ATR: variants seen among roughly 807,000 people sequenced by gnomAD.
The protein encoded by ATR is ATR checkpoint kinase, also known as serine/threonine-protein kinase ATR.
A neutral mutation model predicts 305.3 loss-of-function variants in ATR; 142 were observed. The ratio of observed to expected loss-of-function variants is 0.47; its 90% CI spans 0.41 to 0.53. The LOEUF (loss-of-function observed/expected upper bound fraction) is 0.53, where lower values mean the gene tolerates loss of function less well. Ranked by LOEUF, ATR falls within the 20% of genes least tolerant of loss-of-function variation. ATR has a pLI of 0.00. For synonymous variants in ATR, 1,050 were observed against 1,068.1 expected, an observed-to-expected ratio of 0.98 and a Z score of 0.33; for missense variants, 2,135 against 3,133.1, an observed-to-expected ratio of 0.68 and a Z score of 7.60.
At chr3:142,474,251 A>T (rs1400528095) in intron 36 of ATR, among the ~76,000 whole-genome samples, 1 of 150,490 alleles carries the variant, frequency 6.6e-6, no homozygotes, top group Admixed American at 6.7e-5. Context: ...AAACAAAACA[A>T]AAAAAAAAGG....
At chr3:142,455,765 A>G (rs1257181419) in intron 45 of ATR, among the ~76,000 whole-genome samples, 1 of 152,254 alleles carries the variant, frequency 6.6e-6, no homozygotes, top group African/African-American at 2.4e-5. Flanking sequence ...TAAATAGCAG[A>G]GCTAAAAGTC....
intron 36 of ATR, chr3:142,472,111 G>GTGTT (rs2071292535): frequency 6.6e-6 from 1 of 151,898 alleles, no homozygotes; most frequent in South Asian, 2.1e-4. Flanking sequence ...GTGTGTGTGT[G>GTGTT]TGTGTGTGTG....
chr3:142,522,680 AT>A, intron 23 of ATR, 47 bp downstream of exon 23: 1 of 1,437,270 alleles, frequency 7.0e-7, no homozygotes, highest in Non-Finnish European at 9.8e-7. Context: ...CAACGTTCTT[AT>A]TTGAATTAAA....
intron 1 of ATR, among the ~76,000 whole-genome samples, chr3:142,568,570 C>G (rs1440623148): frequency 1.3e-5 from 2 of 152,084 alleles, no homozygotes; most frequent in African/African-American, 4.8e-5. Context: ...AGGTGCAAGA[C>G]AGGTGGAAGC....
intron 1 of ATR, among the ~76,000 whole-genome samples, chr3:142,571,504 TAAA>T (rs2035259242): frequency 8.6e-6 from 1 of 115,874 alleles, no homozygotes; most frequent in Admixed American, 8.9e-5. Context: ...AATAAATAAA[TAAA>T]TAATCAAAAG....
chr3:142,526,342 T>C (rs2033386922), intron 21 of ATR, among the ~76,000 whole-genome samples: 1 of 152,162 alleles, frequency 6.6e-6, no homozygotes, highest in Non-Finnish European at 1.5e-5. Flanking sequence ...GATTATCATA[T>C]CATCTGTAAA....
intron 35 of ATR, among the ~76,000 whole-genome samples, chr3:142,487,044 C>T (rs6785675): frequency 0.63 from 95,412 of 150,844 alleles, 31,188 homozygotes; most frequent in African/African-American, 0.8. Context: ...AGGCAGGAGA[C>T]TGGCCTGAAC....
At chr3:142,551,411 G>A (rs898194819) in intron 13 of ATR, among the ~76,000 whole-genome samples, 1 of 152,072 alleles carries the variant, frequency 6.6e-6, no homozygotes, top group African/African-American at 2.4e-5. Flanking sequence ...ATGCTGCCTG[G>A]ACAACAGAGT....
At chr3:142,470,014 TC>T in intron 37 of ATR, 71 bp downstream of exon 37, 1 of 1,225,162 alleles carries the variant, frequency 8.2e-7, no homozygotes. Flanking sequence ...AATTAGACTG[TC>T]CAGCCAAATC....
intron 7 of ATR, 183 bp from the exon 8 acceptor site, chr3:142,558,959 T>C (rs1434883244): frequency 1.8e-5 from 12 of 664,926 alleles, no homozygotes; most frequent in East Asian, 2.9e-5. Context: ...TGTGACTTTA[T>C]AAAAACATGT....
chr3:142,533,041 G>A (rs1212019155), intron 21 of ATR, among the ~76,000 whole-genome samples: 1 of 152,070 alleles, frequency 6.6e-6, no homozygotes, highest in Non-Finnish European at 1.5e-5. Context: ...GCTCACACCT[G>A]TAATACCAGT....
chr3:142,560,586 A>T, intron 5 of ATR, 132 bp from the exon 6 acceptor site: 1 of 696,732 alleles, frequency 1.4e-6, no homozygotes, highest in East Asian at 3.0e-5. Context: ...TGTGAGACAG[A>T]GTCTCACTCT....
At position 142,459,357 on chromosome 3, in the gene ATR, G is replaced by T. The variant is rs746049210; in HGVS notation, c.7219C>A (p.Arg2407Ser). ...GCTGACTTTGGTAGCATACACTGGCGAAGTTCTTTTCCTGTCATATACACT... is the reference window on the plus strand; with the variant it reads ...GCTGACTTTGGTAGCATACACTGGCTAAGTTCTTTTCCTGTCATATACACT... ...KGVYMTGKEL[R>S]QCMLPKSAAL... Residue 2407 changes from arginine to serine, a missense_variant, in exon 43 of 47, where the codon CGC becomes AGC. Physicochemically the swap from Arg to Ser is moderately radical, Grantham distance 110. Coordinates refer to ENST00000350721, the MANE Select transcript of ATR (RefSeq NM_001184.4). The T allele has an allele frequency of 6.2e-7, 1 of 1,613,866 alleles. No individual in the cohort carries two copies.
intron 21 of ATR, among the ~76,000 whole-genome samples, chr3:142,524,511 G>T (rs1019712741): frequency 1.3e-5 from 2 of 152,118 alleles, no homozygotes; most frequent in Non-Finnish European, 1.5e-5. Flanking sequence ...CACAGTCTAA[G>T]AGGAAAACAG....
At chr3:142,508,491 T>C (rs986451455) in intron 27 of ATR, among the ~76,000 whole-genome samples, 2 of 152,204 alleles carry the variant, frequency 1.3e-5, no homozygotes, top group African/African-American at 2.4e-5. Flanking sequence ...TTGATGACTA[T>C]AAAAAATGAT....
At chr3:142,559,172 C>T in intron 7 of ATR, 79 bp downstream of exon 7, 1 of 1,477,456 alleles carries the variant, frequency 6.8e-7, no homozygotes, top group East Asian at 2.3e-5. Flanking sequence ...CGCACTTAGG[C>T]TTCAGGCAAA....
intron 28 of ATR, 139 bp from the exon 29 acceptor site, chr3:142,505,442 T>C (rs2032187942): frequency 2.0e-6 from 2 of 977,344 alleles, no homozygotes; most frequent in South Asian, 1.5e-5. Flanking sequence ...ATTTGTTTCA[T>C]GGCAAAGTCA....
chr3:142,576,560 C>G (rs1291814480), intron 1 of ATR, among the ~76,000 whole-genome samples: 2 of 152,122 alleles, frequency 1.3e-5, no homozygotes, highest in Non-Finnish European at 2.9e-5. Context: ...TGAGATATCT[C>G]TACTTCAATG....
In ATR at chr3:142,493,481, C is replaced by T. The variant is rs565365866; in HGVS notation, c.5899-170G>A. 3.3e-5 allele frequency among the ~76,000 whole-genome samples: 5 copies of T among 152,316 alleles called. No individual in the cohort carries two copies. The South Asian group carries it at 8.3e-4, about 25-fold the overall frequency. ...CTAAAACTGAAACATTGCTTCATCT[C>T]ATTCATTCATTTACTAATTAATTTT... is the stretch of plus-strand genomic sequence containing the variant. On this transcript the variant is annotated intron_variant, in intron 34 of 46. Coordinates refer to ENST00000350721, the MANE Select transcript of ATR (RefSeq NM_001184.4).
Sources: gnomAD v4.1 joint callset for allele counts (sites outside exome capture counted in the v4.1 genomes callset) on GRCh38, gnomAD v4.1.1 for gene constraint, MANE v1.5 for transcripts, NCBI Gene and HGNC (gene_info 2026-07-23, HGNC 2026-07-21) for gene names.